Variants in EPHA7 observed in about 807,000 individuals in gnomAD.
EPHA7 encodes the protein EPH receptor A7.
In EPHA7, 25 loss-of-function variants were observed where a neutral mutation model predicts 112.6. The ratio of observed to expected loss-of-function variants is 0.22; its 90% confidence interval spans 0.16 to 0.31. The LOEUF (loss-of-function observed/expected upper bound fraction) is 0.31, where lower values mean the gene tolerates loss of function less well. Among genes scored for constraint, EPHA7 ranks in the 10% least tolerant of loss-of-function variants. EPHA7 has a pLI of 1.00. For missense variants in EPHA7, 962 were observed against 1,212.6 expected, an observed-to-expected ratio of 0.79 and a Z score of 3.07; for synonymous variants, 437 against 406.5, an observed-to-expected ratio of 1.07 and a Z score of -0.90.
chr6:93,380,040 A>G (rs1213980540), intron 3 of EPHA7, among the ~76,000 whole-genome samples: 1 of 152,110 alleles, frequency 6.6e-6, no homozygotes. Context: ...ACCCTGATTT[A>G]GTATGAAGAA....
intron 3 of EPHA7, among the ~76,000 whole-genome samples, chr6:93,369,250 T>C (rs1776665068): frequency 6.6e-6 from 1 of 150,384 alleles, no homozygotes. Context: ...AGAAATAAAC[T>C]AGTAAGAATT....
intron 3 of EPHA7, among the ~76,000 whole-genome samples, chr6:93,383,125 C>T (rs1399740066): frequency 6.6e-6 from 1 of 152,050 alleles, no homozygotes; most frequent in Non-Finnish European, 1.5e-5. Flanking sequence ...AACTCTCATG[C>T]TACCCAATAA....
chr6:93,410,423 A>G lies in EPHA7; in HGVS notation c.832+78T>C. On this transcript the variant is annotated intron_variant, in intron 3 of 16. Transcript: ENST00000369303. This position sits in a 1 kb window ranked among gnomAD's most constrained non-coding sequence, Gnocchi z 4.0. The stretch of plus-strand genomic sequence containing the variant: ...GTACAGAGCAGATTCACGTATTCAA[A>G]TAACTATTAAAGTTTAAAATGTCTG... 3.0e-6 allele frequency: 4 copies of G among 1,325,996 alleles called. No homozygotes were observed. Among genetic ancestry groups the G allele is most frequent in the Non-Finnish European group, 4.2e-6 (4 of 958,886 alleles). 82.1% of individuals were successfully genotyped at this position (1,325,996 alleles called of 1,614,324 possible).
chr6:93,360,109 T>C (rs1282621211), intron 3 of EPHA7, among the ~76,000 whole-genome samples: 1 of 152,074 alleles, frequency 6.6e-6, no homozygotes, highest in East Asian at 1.9e-4. Flanking sequence ...ATAGCAATTA[T>C]TGCAAATATA....
intron 5 of EPHA7, among the ~76,000 whole-genome samples, chr6:93,286,151 C>T (rs1219028864): frequency 6.6e-6 from 1 of 151,990 alleles, no homozygotes; most frequent in Non-Finnish European, 1.5e-5. Context: ...TCCTTACACA[C>T]ACACACACAC....
intron 3 of EPHA7, among the ~76,000 whole-genome samples, chr6:93,369,337 C>T (rs1363383323): frequency 1.3e-5 from 2 of 151,904 alleles, no homozygotes; most frequent in South Asian, 2.1e-4. Flanking sequence ...ACCTCCACAC[C>T]CAAATAAATA....
Position 93,254,702 on chromosome 6 carries a change from A to T in EPHA7, c.2477T>A (p.Met826Lys). 6.2e-7 allele frequency: 1 copy of T among 1,613,688 alleles called. No individual in the cohort carries two copies. Among genetic ancestry groups the T allele is most frequent in the Non-Finnish European group, 8.5e-7 (1 of 1,179,722 alleles). Residue 826 changes from methionine to lysine, a missense_variant, in exon 14 of 17, where the codon ATG becomes AAG. Met to Lys is a moderately conservative substitution (Grantham distance 95). Around this residue, in one of 3 missense-constraint regions of EPHA7, gnomAD observed 746 missense variants for 889.2 expected, o/e 0.84. Coordinates refer to ENST00000369303, the MANE Select transcript of EPHA7 (RefSeq NM_004440.4). Reference protein sequence around the residue: ...ASDVWSYGIVMWEVMSYGERP... With the variant: ...ASDVWSYGIVKWEVMSYGERP... ...TTCTCCATAAGACATAACTTCCCAC[A>T]TGACTATTCCATAGCTCCATACATC... is the stretch of plus-strand genomic sequence containing the variant.
chr6:93,247,617 G>A (rs1349674604), intron 14 of EPHA7, among the ~76,000 whole-genome samples: 1 of 152,116 alleles, frequency 6.6e-6, no homozygotes, highest in Non-Finnish European at 1.5e-5. Flanking sequence ...ATCAGCGTGG[G>A]GGAAGGGTTA....
intron 3 of EPHA7, among the ~76,000 whole-genome samples, chr6:93,398,755 T>C (rs1218482179): frequency 2.0e-5 from 3 of 152,080 alleles, no homozygotes; most frequent in Non-Finnish European, 4.4e-5. Context: ...AATTGTCTCA[T>C]TGGAAAAATT....
At chr6:93,350,924 C>T (rs966098594) in intron 5 of EPHA7, among the ~76,000 whole-genome samples, 3 of 151,970 alleles carry the variant, frequency 2.0e-5, no homozygotes, top group Non-Finnish European at 2.9e-5. Flanking sequence ...GTAATCTTTC[C>T]CACAAATCTT....
At chr6:93,336,862 A>C (rs1459710276) in intron 5 of EPHA7, among the ~76,000 whole-genome samples, 1 of 151,402 alleles carries the variant, frequency 6.6e-6, no homozygotes, top group Non-Finnish European at 1.5e-5. Context: ...GGAGTAATAT[A>C]AATTGGATAG....
intron 5 of EPHA7, among the ~76,000 whole-genome samples, chr6:93,354,647 A>AAC (rs1775855036): frequency 1.3e-5 from 2 of 150,828 alleles, no homozygotes. Context: ...AAAAAAAAAA[A>AAC]AACCCTCCAG....
intron 3 of EPHA7, among the ~76,000 whole-genome samples, chr6:93,404,620 C>CATATAT (rs112219676): frequency 6.9e-6 from 1 of 145,744 alleles, no homozygotes; most frequent in African/African-American, 2.5e-5. Context: ...TACATATAAT[C>CATATAT]ATATATATAT....
intron 3 of EPHA7, among the ~76,000 whole-genome samples, chr6:93,366,652 C>A (rs1001755156): frequency 2.6e-5 from 4 of 152,128 alleles, no homozygotes; most frequent in African/African-American, 9.7e-5. Context: ...CCACACGGCA[C>A]CCCTGATGGT....
intron 3 of EPHA7, among the ~76,000 whole-genome samples, chr6:93,376,956 C>T (rs1777091676): frequency 6.6e-6 from 1 of 152,148 alleles, no homozygotes; most frequent in South Asian, 2.1e-4. Context: ...TGATGCTTTA[C>T]ATTTTACATA....
intron 11 of EPHA7, 119 bp from the exon 12 acceptor site, chr6:93,257,642 G>C: frequency 1.5e-6 from 1 of 650,018 alleles, no homozygotes; most frequent in Non-Finnish European, 2.6e-6. Context: ...AGAAGTATGA[G>C]CATTTCTTTT....
At chr6:93,272,090 T>C (rs1399763617) in intron 6 of EPHA7, among the ~76,000 whole-genome samples, 1 of 151,896 alleles carries the variant, frequency 6.6e-6, no homozygotes, top group Non-Finnish European at 1.5e-5. Flanking sequence ...CTTTCATTTG[T>C]GTAACACAGA....
chr6:93,311,114 A>ATTTTTTTTTT (rs71542009), intron 5 of EPHA7, among the ~76,000 whole-genome samples: 833 of 78,452 alleles, frequency 0.011, 100 homozygotes, highest in Middle Eastern at 0.018. Flanking sequence ...ATGCCCAGCT[A>ATTTTTTTTTT]TTTTTTTTTT....
At chr6:93,300,517 T>C (rs935803233) in intron 5 of EPHA7, among the ~76,000 whole-genome samples, 1 of 152,200 alleles carries the variant, frequency 6.6e-6, no homozygotes, top group Non-Finnish European at 1.5e-5. Context: ...TCTGGACATG[T>C]ATAATTTTTT....
Sources: gnomAD v4.1 joint callset for allele counts (sites outside exome capture counted in the v4.1 genomes callset) on GRCh38, gnomAD v4.1.1 for gene constraint, gnomAD v4.1.1 regional missense constraint, Gnocchi (gnomAD v3.1) non-coding constraint, MANE v1.5 for transcripts, NCBI Gene and HGNC (gene_info 2026-07-23, HGNC 2026-07-21) for gene names.